Variants in ATP6V0A4 observed in about 807,000 individuals in gnomAD.
The protein encoded by ATP6V0A4 is V-type proton ATPase 116 kDa subunit a 4.
A neutral mutation model predicts 107.3 loss-of-function variants in ATP6V0A4; 86 were observed. That is an observed-to-expected ratio of 0.80 (90% CI 0.67 to 0.96). ATP6V0A4 has a LOEUF of 0.96. Among genes scored for constraint, ATP6V0A4 ranks in the 40% least tolerant of loss-of-function variants. The probability of loss-of-function intolerance (pLI) is 0.00; values close to 1 mark genes in which losing one functional copy is unlikely to be tolerated. For missense variants in ATP6V0A4, 908 were observed against 1,045.6 expected, an observed-to-expected ratio of 0.87 and a Z score of 1.81; for synonymous variants, 353 against 381.4, an observed-to-expected ratio of 0.93 and a Z score of 0.87.
At chr7:138,717,242 T>A (rs1263344360) in intron 19 of ATP6V0A4, among the ~76,000 whole-genome samples, 2 of 152,048 alleles carry the variant, frequency 1.3e-5, no homozygotes, top group Non-Finnish European at 2.9e-5. Context: ...TGCAGGAGGA[T>A]GGAGGAGATC....
intron 19 of ATP6V0A4, among the ~76,000 whole-genome samples, chr7:138,718,280 GT>G (rs1804205309): frequency 2.3e-4 from 1 of 4,290 alleles, no homozygotes; most frequent in Non-Finnish European, 4.0e-4. Flanking sequence ...AGGAATGGCG[GT>G]GTGTGTGTGT....
intron 14 of ATP6V0A4, among the ~76,000 whole-genome samples, chr7:138,742,900 C>CAAAAAAAA (rs563017805): frequency 3.0e-5 from 4 of 131,682 alleles, no homozygotes; most frequent in East Asian, 2.3e-4. Context: ...AATTGCAAAG[C>CAAAAAAAA]AAAAAAAAAA....
intron 20 of ATP6V0A4, among the ~76,000 whole-genome samples, chr7:138,713,765 G>T (rs1803873050): frequency 1.3e-5 from 2 of 152,054 alleles, no homozygotes; most frequent in South Asian, 4.2e-4. Flanking sequence ...GGCTGCAGGG[G>T]CAAACACACA....
intron 21 of ATP6V0A4, among the ~76,000 whole-genome samples, chr7:138,707,284 T>C (rs1483117854): frequency 1.1e-5 from 1 of 91,448 alleles, no homozygotes; most frequent in Non-Finnish European, 2.0e-5. Flanking sequence ...TTCTATATAA[T>C]AATTATATTA....
chr7:138,768,810 G>T lies in ATP6V0A4; in HGVS notation c.261C>A (p.Thr87=). 6.2e-7 allele frequency: 1 copy of T among 1,614,108 alleles called. No homozygotes were observed. Among genetic ancestry groups the T allele is most frequent in the Non-Finnish European group, 8.5e-7 (1 of 1,180,032 alleles). Residue 87 remains threonine (T), a synonymous_variant, in exon 5 of 22, where the codon ACC becomes ACA. Transcript: ENST00000310018. ...GGGTAATCATTTCCCGTGGGAGCGG[G>T]GTCAGTGGGCTTTTCTCGAGCAACT... is the stretch of plus-strand genomic sequence containing the variant. The part of the protein sequence containing the change: ...VVQLLEKSPL[T]PLPREMITLE...
chr7:138,730,334 C>T (rs896191), intron 17 of ATP6V0A4, among the ~76,000 whole-genome samples: 102,707 of 148,216 alleles, frequency 0.69, 35,481 homozygotes, highest in East Asian at 0.82. Context: ...TACAAAGCAA[C>T]GGGATGAGTG....
In ATP6V0A4 at chr7:138,728,753, GC is replaced by G. The variant is rs778331007; in HGVS notation, c.2010+7del. On this transcript the variant is annotated splice_region_variant and intron_variant, in intron 18 of 21. Transcript: ENST00000310018. ...AAAGTAGGGTGAACTGAAACAAACAGCCCTTACCTGGGATTTCCGATGACTG... is the reference window on the plus strand; with the variant it reads ...AAAGTAGGGTGAACTGAAACAAACAGCCTTACCTGGGATTTCCGATGACTG... The G allele has an allele frequency of 6.2e-7, 1 of 1,614,146 alleles. No homozygotes were observed. The highest frequency in any genetic ancestry group is 2.2e-5 in the East Asian group (1 of 44,884).
intron 17 of ATP6V0A4, among the ~76,000 whole-genome samples, chr7:138,730,386 G>GTGTGTGTGTA (rs1194328965): frequency 1.3e-5 from 2 of 149,478 alleles, no homozygotes; most frequent in African/African-American, 2.5e-5. Flanking sequence ...GTGTGTGTGT[G>GTGTGTGTGTA]GCTATCCTTT....
intron 2 of ATP6V0A4, among the ~76,000 whole-genome samples, chr7:138,784,443 C>A (rs897478568): frequency 6.6e-6 from 1 of 150,776 alleles, no homozygotes; most frequent in Non-Finnish European, 1.5e-5. Context: ...CTCAGCCTCC[C>A]GAGTAGCTGG....
chr7:138,793,244 G>A lies in ATP6V0A4; in HGVS notation c.-121+4790C>T, dbSNP rs543732151. On this transcript the variant is annotated intron_variant, in intron 1 of 21. Coordinates refer to ENST00000310018, the MANE Select transcript of ATP6V0A4 (RefSeq NM_020632.3). ...CGGGAGGTGGAAGTTGCAGTGAGCC[G>A]AGATCGTGCCACTGCATTCCAGCCT... Among the ~76,000 whole-genome samples, 33 of 152,120 alleles carry A rather than the reference G, an allele frequency of 2.2e-4. 1 individual carries two copies. The highest frequency in any genetic ancestry group is 4.0e-4 in the Non-Finnish European group (27 of 68,020).
At chr7:138,743,759 G>A (rs1384950661) in intron 14 of ATP6V0A4, among the ~76,000 whole-genome samples, 1 of 152,150 alleles carries the variant, frequency 6.6e-6, no homozygotes, top group Non-Finnish European at 1.5e-5. Context: ...CAAAGGAGAT[G>A]GGCAGAGACA....
Position 138,755,684 on chromosome 7 carries a change from C to T in ATP6V0A4, c.816+5G>A. ...TCAGACCATGCGCCCAAACCCCTCA[C>T]TCACGGTGATTAAATCTTCCAGCCT... is the stretch of plus-strand genomic sequence containing the variant. On this transcript the variant is annotated splice_donor_5th_base_variant and intron_variant, in intron 10 of 21. Coordinates refer to ENST00000310018, the MANE Select transcript of ATP6V0A4 (RefSeq NM_020632.3). 1 of 1,613,726 alleles carries T rather than the reference C, an allele frequency of 6.2e-7. No individual in the cohort carries two copies. The highest frequency in any genetic ancestry group is 8.5e-7 in the Non-Finnish European group (1 of 1,180,022).
chr7:138,746,889 G>A (rs1018857832), intron 13 of ATP6V0A4, among the ~76,000 whole-genome samples: 2 of 152,140 alleles, frequency 1.3e-5, no homozygotes, highest in Non-Finnish European at 2.9e-5. Context: ...TTAAGAGTGG[G>A]GAAACGATGT....
chr7:138,728,264 C>T (rs976819499), intron 18 of ATP6V0A4, among the ~76,000 whole-genome samples: 4 of 152,022 alleles, frequency 2.6e-5, no homozygotes, highest in Admixed American at 6.6e-5. Context: ...TTCGCCCTTT[C>T]GCCCAGGCTA....
intron 10 of ATP6V0A4, 92 bp downstream of exon 10, chr7:138,755,597 C>CA: frequency 6.4e-7 from 1 of 1,551,298 alleles, no homozygotes; most frequent in Non-Finnish European, 8.8e-7. Flanking sequence ...AGCCTCCCAG[C>CA]AAGGGCCCTG....
At chr7:138,715,669 G>A (rs1803998430) in intron 20 of ATP6V0A4, 95 bp downstream of exon 20, 1 of 1,497,774 alleles carries the variant, frequency 6.7e-7, no homozygotes, top group Admixed American at 1.7e-5. Flanking sequence ...TCCACAAATA[G>A]CTCGGAGAAG....
At chr7:138,728,620 A>G in intron 18 of ATP6V0A4, 141 bp downstream of exon 18, 1 of 1,155,876 alleles carries the variant, frequency 8.7e-7, no homozygotes, top group Non-Finnish European at 1.3e-6. Context: ...AGAACGAAAC[A>G]TACTCAGGGC....
intron 14 of ATP6V0A4, among the ~76,000 whole-genome samples, chr7:138,744,238 C>CTT (rs71169054): frequency 8.5e-4 from 110 of 128,802 alleles, no homozygotes; most frequent in Middle Eastern, 4.3e-3. Flanking sequence ...TCCTCATCTG[C>CTT]TTTTTTTTTT....
chr7:138,743,869 C>T (rs1263704180), intron 14 of ATP6V0A4, among the ~76,000 whole-genome samples: 1 of 152,134 alleles, frequency 6.6e-6, no homozygotes, highest in Non-Finnish European at 1.5e-5. Context: ...CTAAGATCAC[C>T]CCCAAAATCA....
Sources: allele counts gnomAD v4.1 joint callset (sites outside exome capture counted in the v4.1 genomes callset), GRCh38; gene constraint gnomAD v4.1.1; transcripts MANE v1.5; gene names NCBI Gene and HGNC (gene_info 2026-07-23, HGNC 2026-07-21).